The following SLX4IP variants were observed in gnomAD, a reference collection of about 807,000 sequenced individuals.
SLX4IP encodes SLX4 interacting protein, also known as protein SLX4IP.
In SLX4IP, 34 loss-of-function variants were observed where a neutral mutation model predicts 32.9. That is an observed-to-expected ratio of 1.03 (90% CI 0.79 to 1.38). SLX4IP has a LOEUF of 1.38. Among genes scored for constraint, SLX4IP ranks in the 40% most tolerant of loss-of-function variants. SLX4IP has a pLI of 0.00. For missense variants in SLX4IP, 444 were observed against 479.0 expected, an observed-to-expected ratio of 0.93 and a Z score of 0.68; for synonymous variants, 172 against 171.7, an observed-to-expected ratio of 1.00 and a Z score of -0.01.
chr20:10,468,394 T>A (rs532443563), intron 2 of SLX4IP, among the ~76,000 whole-genome samples: 1 of 152,326 alleles, frequency 6.6e-6, no homozygotes, highest in East Asian at 1.9e-4. Context: ...TCATGTTACT[T>A]CCTTGCTTAG....
chr20:10,615,497 G>C (rs2067015429), intron 6 of SLX4IP, among the ~76,000 whole-genome samples: 1 of 151,984 alleles, frequency 6.6e-6, no homozygotes, highest in African/African-American at 2.4e-5. Flanking sequence ...TCCTAGTAGA[G>C]CTCATCCTGA....
chr20:10,608,857 C>T (rs1446344631), intron 6 of SLX4IP, among the ~76,000 whole-genome samples: 1 of 152,070 alleles, frequency 6.6e-6, no homozygotes, highest in African/African-American at 2.4e-5. Flanking sequence ...CTGACACTAT[C>T]ATTCTGCTTA....
At position 10,518,512 on chromosome 20, in the gene SLX4IP, TCC is replaced by T. The variant is rs1300551006; in HGVS notation, c.28-37718_28-37717del. Among the ~76,000 whole-genome samples the T allele has an allele frequency of 8.3e-4, 110 of 132,144 alleles. 4 individuals carry two copies. In the South Asian group the frequency reaches 0.016, roughly 20 times the overall value. The allele number at this position is 132,144 out of a possible 152,430, so 86.7% of individuals were successfully genotyped here. A position where few individuals can be genotyped will look rare whatever the true frequency, so the allele number is the denominator to read the frequency against. ...CCTTTTCCTTCCTTCCTTCCTTCCTTCCTTCCTTCCTTCCTTCCTTCCTTCCT... is the reference window on the plus strand; with the variant it reads ...CCTTTTCCTTCCTTCCTTCCTTCCTTTTCCTTCCTTCCTTCCTTCCTTCCT... On this transcript the variant is annotated intron_variant, in intron 2 of 7. Transcript: ENST00000334534.
intron 1 of SLX4IP, among the ~76,000 whole-genome samples, chr20:10,453,465 T>G (rs909951012): frequency 2.0e-5 from 3 of 152,140 alleles, no homozygotes; most frequent in African/African-American, 7.2e-5. Flanking sequence ...CTTTCTCCTG[T>G]CTCACCCTTC....
intron 2 of SLX4IP, among the ~76,000 whole-genome samples, chr20:10,521,817 A>G (rs1268971777): frequency 1.3e-5 from 2 of 152,214 alleles, no homozygotes; most frequent in Non-Finnish European, 1.5e-5. Flanking sequence ...TTGGCTTTCT[A>G]AGGCACAACG....
chr20:10,605,898 A>C (rs968022600), intron 6 of SLX4IP, among the ~76,000 whole-genome samples: 1 of 152,138 alleles, frequency 6.6e-6, no homozygotes, highest in African/African-American at 2.4e-5. Context: ...CTAGTTTTTG[A>C]ATACAAAATT....
intron 6 of SLX4IP, among the ~76,000 whole-genome samples, chr20:10,610,768 T>C (rs1011030963): frequency 5.9e-5 from 9 of 152,274 alleles, no homozygotes; most frequent in Non-Finnish European, 1.3e-4. Flanking sequence ...CTTGAGTCAA[T>C]ACATACATGC....
At chr20:10,607,550 A>G (rs549038036) in intron 6 of SLX4IP, among the ~76,000 whole-genome samples, 3 of 152,162 alleles carry the variant, frequency 2.0e-5, no homozygotes, top group Non-Finnish European at 2.9e-5. Flanking sequence ...AGTTAAGGCC[A>G]AGGCTCAGGG....
chr20:10,562,471 C>T (rs1252544837), intron 4 of SLX4IP, among the ~76,000 whole-genome samples: 2 of 152,074 alleles, frequency 1.3e-5, no homozygotes, highest in African/African-American at 4.8e-5. Flanking sequence ...TCTTCCGTTC[C>T]TCTGCTCCTC....
At chr20:10,441,014 A>C (rs2065155919) in intron 1 of SLX4IP, among the ~76,000 whole-genome samples, 1 of 152,198 alleles carries the variant, frequency 6.6e-6, no homozygotes, top group Non-Finnish European at 1.5e-5. Context: ...CAGAGACTTA[A>C]AGGAGTTGAA....
intron 1 of SLX4IP, among the ~76,000 whole-genome samples, chr20:10,449,924 G>A (rs1364428140): frequency 2.6e-5 from 4 of 151,530 alleles, no homozygotes; most frequent in Non-Finnish European, 1.5e-5. Context: ...CATCGTAAAT[G>A]TAGCTGTTCT....
At chr20:10,582,524 T>G (rs1297666415) in intron 4 of SLX4IP, among the ~76,000 whole-genome samples, 1 of 152,218 alleles carries the variant, frequency 6.6e-6, no homozygotes, top group East Asian at 1.9e-4. Flanking sequence ...TATTCCATGC[T>G]TAACGGGTTG....
At chr20:10,444,113 T>C (rs748216392) in intron 1 of SLX4IP, among the ~76,000 whole-genome samples, 19 of 152,174 alleles carry the variant, frequency 1.2e-4, no homozygotes, top group Non-Finnish European at 1.8e-4. Flanking sequence ...GAGTTTTGAA[T>C]AGGGGACTTA....
At chr20:10,580,447 C>G (rs1175654050) in intron 4 of SLX4IP, among the ~76,000 whole-genome samples, 1 of 151,254 alleles carries the variant, frequency 6.6e-6, no homozygotes, top group African/African-American at 2.4e-5. Flanking sequence ...CCTTGAGGAT[C>G]TCCCTCCTCC....
chr20:10,459,762 C>T (rs1341803334), intron 2 of SLX4IP, among the ~76,000 whole-genome samples: 3 of 152,220 alleles, frequency 2.0e-5, no homozygotes, highest in Non-Finnish European at 2.9e-5. Flanking sequence ...TTGAGACCTT[C>T]TCAGGTGTGG....
chr20:10,578,320 T>C (rs2066545674), intron 4 of SLX4IP, among the ~76,000 whole-genome samples: 1 of 152,218 alleles, frequency 6.6e-6, no homozygotes, highest in South Asian at 2.1e-4. Context: ...TTCATACAAA[T>C]AGAGTCATAC....
intron 4 of SLX4IP, among the ~76,000 whole-genome samples, chr20:10,590,718 T>C (rs1449302515): frequency 6.6e-6 from 1 of 152,190 alleles, no homozygotes; most frequent in Non-Finnish European, 1.5e-5. Context: ...TAGAAAAACA[T>C]GCCCTGTTTA....
At chr20:10,452,327 T>C (rs1422405908) in intron 1 of SLX4IP, among the ~76,000 whole-genome samples, 1 of 151,886 alleles carries the variant, frequency 6.6e-6, no homozygotes, top group Non-Finnish European at 1.5e-5. Context: ...GCTCAGGAGA[T>C]GAAGACCAGC....
At chr20:10,577,657 G>A (rs142843583) in intron 4 of SLX4IP, among the ~76,000 whole-genome samples, 1,567 of 152,330 alleles carry the variant, frequency 0.01, 28 homozygotes, top group African/African-American at 0.035. Context: ...GGAATTCGAG[G>A]CTGCCGTGAT....
Sources: gnomAD v4.1 joint callset for allele counts (sites outside exome capture counted in the v4.1 genomes callset) on GRCh38, gnomAD v4.1.1 for gene constraint, MANE v1.5 for transcripts, NCBI Gene and HGNC (gene_info 2026-07-23, HGNC 2026-07-21) for gene names.